The following KLK7 variants were observed in gnomAD, a reference collection of about 807,000 sequenced individuals.
KLK7 encodes the protein kallikrein related peptidase 7.
Under a neutral mutation model 21.0 loss-of-function variants are expected in KLK7, and 17 were observed. The observed-to-expected ratio is 0.81, with a 90% CI of 0.55 to 1.21. KLK7 has a LOEUF of 1.21. KLK7 is among the 50% of genes most tolerant of loss of function. KLK7 has a pLI of 0.00. For synonymous variants in KLK7, 151 were observed against 134.6 expected (o/e 1.12, Z -0.85); for missense variants, 330 against 322.8 (o/e 1.02, Z -0.17).
At chr19:50,982,008 G>A in intron 2 of KLK7, 94 bp from the exon 3 acceptor site, 1 of 1,317,598 alleles carries the variant, frequency 7.6e-7, no homozygotes, top group African/African-American at 1.4e-5. Context: ...GATGGACAGA[G>A]ACAGATGAAA....
intron 1 of KLK7, among the ~76,000 whole-genome samples, chr19:50,982,955 GC>G (rs1235983338): frequency 5.3e-4 from 25 of 46,930 alleles, no homozygotes; most frequent in South Asian, 9.3e-4. Context: ...AGGAGTCCAG[GC>G]CCCCAGCTCC....
At position 50,980,276 on chromosome 19, in the gene KLK7, T is replaced by C. The variant is rs760734500; in HGVS notation, c.433A>G (p.Thr145Ala). The change falls in exon 4 of 6, where the codon ACT (threonine) becomes GCT (alanine). Residue 145 changes from threonine to alanine, a missense_variant. Transcript: ENST00000595820. Reference protein sequence around the residue: ...SRCEPPGTTCTVSGWGTTTSP... With the variant: ...SRCEPPGTTCAVSGWGTTTSP... ...GTGGTAGTGCCCCAGCCGGAGACAGTACAGGTGGTTCCAGGGGGTTCGCAG... is the reference window on the plus strand; with the variant it reads ...GTGGTAGTGCCCCAGCCGGAGACAGCACAGGTGGTTCCAGGGGGTTCGCAG... 1.2e-6 allele frequency: 2 copies of C among 1,613,916 alleles called. No homozygotes were observed. The highest frequency in any genetic ancestry group is 1.7e-6 in the Non-Finnish European group (2 of 1,179,926).
chr19:50,982,552 CCCCA>C, intron 1 of KLK7, 95 bp from the exon 2 acceptor site: 2 of 261,432 alleles, frequency 7.7e-6, no homozygotes, highest in South Asian at 1.3e-4. Flanking sequence ...GGAGTCCAGG[CCCCA>C]GCCCCTCCTC....
intron 3 of KLK7, among the ~76,000 whole-genome samples, chr19:50,980,709 G>GA (rs2091073338): frequency 2.7e-5 from 3 of 112,156 alleles, no homozygotes; most frequent in Admixed American, 1.9e-4. Flanking sequence ...GAGAGGGGGG[G>GA]ACAGAGACCC....
chr19:50,982,341 G>C lies in KLK7; in HGVS notation c.59C>G (p.Thr20Ser). The C allele has an allele frequency of 6.2e-7, 1 of 1,610,760 alleles. No homozygotes were observed. Among genetic ancestry groups the C allele is most frequent in the Non-Finnish European group, 8.5e-7 (1 of 1,178,666 alleles). ...CCAGCTTTCACCTTCTTCTCCTGCA[G>C]TTTCCAAGGCTAAGGATAGCAGTAA... ...QILLLSLALETAGEEAQGDKI... is the reference protein window; with the variant it reads ...QILLLSLALESAGEEAQGDKI... The change falls in exon 2 of 6, where the codon ACT becomes AGT. Residue 20 changes from threonine (T) to serine (S), a missense_variant. Transcript: ENST00000595820.
At position 50,980,704 on chromosome 19, in the gene KLK7, G is replaced by GA. The variant is rs2091073190; in HGVS notation, c.222-218_222-217insT. On this transcript the variant is annotated intron_variant, in intron 3 of 5. Transcript: ENST00000595820. ...GAGAGGGAGACAGAGACCCAGAGAG[G>GA]GGGGGACAGAGACCCAGAGAGAGGA... 4.5e-5 allele frequency among the ~76,000 whole-genome samples: 3 copies of GA among 66,866 alleles called. No individual in the cohort carries two copies. In the Admixed American group the frequency reaches 5.8e-4, roughly 13 times the overall value. 43.9% of individuals were successfully genotyped at this position (66,866 alleles called of 152,430 possible). A position where few individuals can be genotyped will look rare whatever the true frequency, so the allele number is the denominator to read the frequency against.
chr19:50,980,057 G>A, intron 4 of KLK7, 133 bp from the exon 5 acceptor site: 1 of 1,276,920 alleles, frequency 7.8e-7, no homozygotes, highest in Non-Finnish European at 1.1e-6. Flanking sequence ...GGGAGGAGGG[G>A]CTGGGGTCTG....
chr19:50,980,534 GA>G (rs2091070933), intron 3 of KLK7, 47 bp from the exon 4 acceptor site: 1 of 1,610,220 alleles, frequency 6.2e-7, no homozygotes, highest in Non-Finnish European at 8.5e-7. Flanking sequence ...CTGTGACAGA[GA>G]GGGTGTGCAA....
upstream of KLK7, chr19:50,984,012 C>G (rs1013692473): frequency 9.9e-7 from 1 of 1,005,026 alleles, no homozygotes; most frequent in African/African-American, 1.7e-5. Context: ...GGGACACCCC[C>G]GCCTGCATTT....
intron 1 of KLK7, among the ~76,000 whole-genome samples, chr19:50,983,071 C>T (rs1325481943): frequency 5.1e-5 from 4 of 78,692 alleles, no homozygotes; most frequent in Non-Finnish European, 5.5e-5. Context: ...CAGGCCCCAG[C>T]CCCTCCTCCC....
At chr19:50,980,060 G>A in intron 4 of KLK7, 136 bp from the exon 5 acceptor site, 2 of 1,277,570 alleles carry the variant, frequency 1.6e-6, no homozygotes, top group Non-Finnish European at 2.1e-6. Flanking sequence ...AGGAGGGGCT[G>A]GGGTCTGGAC....
chr19:50,982,039 A>G, intron 2 of KLK7, 125 bp from the exon 3 acceptor site: 1 of 1,097,798 alleles, frequency 9.1e-7, no homozygotes, highest in Non-Finnish European at 1.3e-6. Context: ...AAATACAGAG[A>G]AAGCAAGAGA....
chr19:50,980,460 A>G lies in KLK7; in HGVS notation c.249T>C (p.Asp83=), dbSNP rs749177358. Residue 83 remains aspartate, a synonymous_variant, in exon 4 of 6, where the codon GAT becomes GAC. Transcript: ENST00000595820. ...TCTGAGCTCTCCTGTCGCCCAGCGT[A>G]TCACTGCCCAGGTGCACGGTGTACT... ...MNEYTVHLGS[D]TLGDRRAQRI... is the part of the protein sequence containing the mutation. 1.9e-5 allele frequency: 30 copies of G among 1,613,800 alleles called. No individual in the cohort carries two copies. Among genetic ancestry groups the G allele is most frequent in the Middle Eastern group, 3.3e-4 (2 of 6,082 alleles).
At chr19:50,982,999 T>C (rs1172897426) in intron 1 of KLK7, among the ~76,000 whole-genome samples, 2 of 11,150 alleles carry the variant, frequency 1.8e-4, no homozygotes, top group African/African-American at 3.1e-4. Flanking sequence ...CAGGTCCAAG[T>C]CCCTCCTCCC....
intron 5 of KLK7, among the ~76,000 whole-genome samples, chr19:50,978,430 G>A (rs1190468025): frequency 6.6e-6 from 1 of 151,772 alleles, no homozygotes; most frequent in Non-Finnish European, 1.5e-5. Flanking sequence ...AAAGGAGAGA[G>A]AGACAAAGAG....
chr19:50,984,030 T>C (rs1229295819), upstream of KLK7: 3 of 768,786 alleles, frequency 3.9e-6, no homozygotes, highest in Non-Finnish European at 5.7e-6. Flanking sequence ...TTTGCGGTTC[T>C]GGTTATCTGG....
Position 50,979,746 on chromosome 19 carries a change from G to A in KLK7, c.606+42C>T, listed in dbSNP as rs369668422. 1,531 of 1,549,926 alleles carry A rather than the reference G, an allele frequency of 9.9e-4. 5 individuals carry two copies. The highest frequency in any genetic ancestry group is 1.3e-3 in the Non-Finnish European group (1,450 of 1,145,498). On this transcript the variant is annotated intron_variant, in intron 5 of 5. Transcript: ENST00000595820. The stretch of plus-strand genomic sequence containing the variant: ...GCTCTGTCCCTGGGGCATGCAGACA[G>A]GGTACCCAGGACTGGGGAGGAATTG...
intron 4 of KLK7, 103 bp downstream of exon 4, chr19:50,980,137 C>T (rs1320856121): frequency 8.2e-6 from 11 of 1,337,788 alleles, no homozygotes; most frequent in African/African-American, 3.1e-5. Flanking sequence ...GGGGCTGAGG[C>T]CTGGACTCCT....
intron 2 of KLK7, 94 bp from the exon 3 acceptor site, chr19:50,982,008 G>T: frequency 1.5e-6 from 2 of 1,317,592 alleles, no homozygotes; most frequent in Non-Finnish European, 2.1e-6. Flanking sequence ...GATGGACAGA[G>T]ACAGATGAAA....
Sources: allele counts gnomAD v4.1 joint callset (sites outside exome capture counted in the v4.1 genomes callset), GRCh38; gene constraint gnomAD v4.1.1; transcripts MANE v1.5; gene names NCBI Gene and HGNC (gene_info 2026-07-23, HGNC 2026-07-21).